Variants in NIF3L1 observed in about 807,000 individuals in gnomAD.
NIF3L1 encodes the protein NIF3-like protein 1.
Under a neutral mutation model 35.0 loss-of-function variants are expected in NIF3L1, and 26 were observed. The observed-to-expected ratio is 0.74, with a 90% confidence interval of 0.54 to 1.03. NIF3L1 has a LOEUF of 1.03. NIF3L1 is among the 50% of genes least tolerant of loss of function. The pLI is 0.00. For missense variants in NIF3L1, 449 were observed against 466.3 expected (o/e 0.96, Z 0.34); for synonymous variants, 157 against 178.9 (o/e 0.88, Z 0.98).
intron 3 of NIF3L1, among the ~76,000 whole-genome samples, chr2:200,894,434 T>C (rs2040261989): frequency 6.6e-6 from 1 of 152,016 alleles, no homozygotes. Flanking sequence ...AGAGTCTCAC[T>C]CTGTTGCCCA....
intron 4 of NIF3L1, among the ~76,000 whole-genome samples, chr2:200,896,422 T>C (rs1381975751): frequency 6.6e-6 from 1 of 152,148 alleles, no homozygotes; most frequent in Non-Finnish European, 1.5e-5. Flanking sequence ...ACATCACCCC[T>C]TTTTAAACTC....
chr2:200,903,577 G>C lies in NIF3L1; in HGVS notation c.1033G>C (p.Gly345Arg), dbSNP rs199508319. ...ILCEHSNTER[G>R]FLSDLRDMLD... ...CTGTGAACACAGCAACACTGAACGA[G>C]GCTTTCTTTCTGACCTTCGAGATAT... Residue 345 changes from glycine (G) to arginine (R), a missense_variant, in exon 7 of 7, where the codon GGC becomes CGC. Transcript: ENST00000409020. 6.8e-6 allele frequency: 11 copies of C among 1,614,000 alleles called. No individual in the cohort carries two copies. In the Admixed American group the frequency reaches 1.5e-4, roughly 22 times the overall value.
intron 5 of NIF3L1, 39 bp downstream of exon 5, chr2:200,897,253 T>A (rs1235895376): frequency 2.5e-6 from 4 of 1,596,904 alleles, no homozygotes; most frequent in Non-Finnish European, 3.4e-6. Context: ...ATGCCTACTG[T>A]TAACATTGGA....
At chr2:200,891,896 A>G in intron 1 of NIF3L1, 22 bp from the exon 2 acceptor site, 2 of 1,422,748 alleles carry the variant, frequency 1.4e-6, no homozygotes, top group Non-Finnish European at 9.6e-7. Flanking sequence ...CCTGTGTACC[A>G]TTTTCTTTGT....
rs1251831631 is a variant in NIF3L1, at chr2:200,903,911, A to T, written c.*233A>T. 3 of 525,610 alleles carry T rather than the reference A, an allele frequency of 5.7e-6. No individual in the cohort carries two copies. The East Asian group carries it at 1.0e-4, about 18-fold the overall frequency. The allele number at this position is 525,610 out of a possible 1,614,324, so 32.6% of individuals were successfully genotyped here. On this transcript the variant is annotated 3_prime_UTR_variant, in exon 7 of 7. Coordinates refer to ENST00000409020, the MANE Select transcript of NIF3L1 (RefSeq NM_001369441.2). ...ATAAACTCTAGGAAAGATTGAATAA[A>T]ATCTGTTTACTTAACATTCTTTGGA...
At chr2:200,893,080 A>C (rs2040233685) in intron 2 of NIF3L1, among the ~76,000 whole-genome samples, 166 bp from the exon 3 acceptor site, 1 of 152,244 alleles carries the variant, frequency 6.6e-6, no homozygotes, top group Admixed American at 6.5e-5. Context: ...GCCCTAGATT[A>C]TGGGGACTGG....
Position 200,901,840 on chromosome 2 carries a change from C to T in NIF3L1, c.950-1654C>T, listed in dbSNP as rs1024891229. ...TTCACTGATTTCCCCCCTTTCATGC[C>T]TTCTCCAGCCAATGAATTTGTCACA... is the stretch of plus-strand genomic sequence containing the variant. On this transcript the variant is annotated intron_variant, in intron 6 of 6. Transcript: ENST00000409020. Among the ~76,000 whole-genome samples the T allele has an allele frequency of 2.0e-5, 3 of 152,162 alleles. No homozygotes were observed. In the East Asian group the frequency reaches 5.8e-4, roughly 29 times the overall value.
In NIF3L1 at chr2:200,892,124, C is replaced by G; in HGVS notation, c.181C>G (p.Pro61Ala). The G allele has an allele frequency of 6.2e-7, 1 of 1,614,194 alleles. No individual in the cohort carries two copies. Among genetic ancestry groups the G allele is most frequent in the Non-Finnish European group, 8.5e-7 (1 of 1,180,032 alleles). The change falls in exon 2 of 7, where the codon CCA becomes GCA. Residue 61 changes from proline to alanine, a missense_variant. Transcript: ENST00000409020. ...TGGATTACTGGTGGAACCAAGCCCA[C>G]CACATACTGTAAATACACTCTTCCT... The part of the protein sequence containing the change: ...NVGLLVEPSP[P>A]HTVNTLFLTN...
In NIF3L1 at chr2:200,892,160, C is replaced by A; in HGVS notation, c.217C>A (p.Leu73Met). 1.2e-6 allele frequency: 2 copies of A among 1,614,178 alleles called. No individual in the cohort carries two copies. Among genetic ancestry groups the A allele is most frequent in the Non-Finnish European group, 1.7e-6 (2 of 1,180,032 alleles). Residue 73 changes from leucine to methionine, a missense_variant, in exon 2 of 7, where the codon CTG becomes ATG. Coordinates refer to ENST00000409020, the MANE Select transcript of NIF3L1 (RefSeq NM_001369441.2). ...AAATACACTCTTCCTGACCAATGAC[C>A]TGACTGAGGAAGTGATGGAGGAGGT... ...TVNTLFLTND[L>M]TEEVMEEVLQ...
At chr2:200,902,684 T>C (rs2124903770) in intron 6 of NIF3L1, among the ~76,000 whole-genome samples, 1 of 152,296 alleles carries the variant, frequency 6.6e-6, no homozygotes, top group Admixed American at 6.5e-5. Context: ...CAAAGAAAAA[T>C]ACTTTGTTTT....
At position 200,895,285 on chromosome 2, in the gene NIF3L1, A is replaced by C. The variant is rs767482705; in HGVS notation, c.621A>C (p.Thr207=). The change falls in exon 4 of 7, where the codon ACA becomes ACC. Residue 207 remains threonine, a synonymous_variant. Transcript: ENST00000409020. The part of the protein sequence containing the change: ...FSARTGNEEQ[T]RINLNCTQKA... ...CTAGGACTGGTAATGAGGAACAAACACGGATTAATCTGAATTGTACTCAGA... is the reference window on the plus strand; with the variant it reads ...CTAGGACTGGTAATGAGGAACAAACCCGGATTAATCTGAATTGTACTCAGA... 1 of 1,614,036 alleles carries C rather than the reference A, an allele frequency of 6.2e-7. No individual in the cohort carries two copies.
rs114431057 is a variant in NIF3L1, at chr2:200,891,831, G to A, written c.-26-87G>A. On this transcript the variant is annotated intron_variant, in intron 1 of 6. Transcript: ENST00000409020. ...CTATTTGAACCCAGATCTCTATGAC[G>A]ACAGCTCTTTTGCCCATATGTTTTG... 229 of 772,458 alleles carry A rather than the reference G, an allele frequency of 3.0e-4. 1 individual carries two copies. In the African/African-American group the frequency reaches 3.5e-3, roughly 12 times the overall value. The allele number at this position is 772,458 out of a possible 1,614,324, so 47.9% of individuals were successfully genotyped here.
chr2:200,903,627 G>A lies in NIF3L1; in HGVS notation c.1083G>A (p.Lys361=), dbSNP rs1336745254. The change falls in exon 7 of 7, where the codon AAG becomes AAA. Residue 361 remains lysine, a synonymous_variant. Transcript: ENST00000409020. Reference sequence around the variant, plus strand: ...TGCTGGATTCTCACTTGGAGAATAAGATAAATATTATCCTATCAGAGACTG... The same window carrying A: ...TGCTGGATTCTCACTTGGAGAATAAAATAAATATTATCCTATCAGAGACTG... The part of the protein sequence containing the change: ...RDMLDSHLEN[K]INIILSETDR... 15 of 1,613,580 alleles carry A rather than the reference G, an allele frequency of 9.3e-6. No individual in the cohort carries two copies. The South Asian group carries it at 1.6e-4, about 18-fold the overall frequency.
intron 6 of NIF3L1, among the ~76,000 whole-genome samples, chr2:200,901,407 A>T (rs2040408488): frequency 6.6e-6 from 1 of 152,216 alleles, no homozygotes. Flanking sequence ...TTTTTAAAAC[A>T]ATGATAAAGT....
chr2:200,903,403 G>C, intron 6 of NIF3L1, 91 bp from the exon 7 acceptor site: 1 of 980,708 alleles, frequency 1.0e-6, no homozygotes, highest in Non-Finnish European at 1.6e-6. Context: ...ACTTCATATA[G>C]ACTACAAACT....
In NIF3L1 at chr2:200,893,265, C is replaced by T. The variant is rs753773806; in HGVS notation, c.456C>T (p.Pro152=). 3 of 1,560,566 alleles carry T rather than the reference C, an allele frequency of 1.9e-6. No individual in the cohort carries two copies. Among genetic ancestry groups the T allele is most frequent in the Non-Finnish European group, 2.6e-6 (3 of 1,151,736 alleles). ...AKGLGACTSR[P]IHPSKAPNYP... ...CTCTAGGAGCTTGTACCTCCAGGCC[C>T]ATACATCCTTCCAAAGCTCCCAACT... is the stretch of plus-strand genomic sequence containing the variant. Residue 152 remains proline, a synonymous_variant, in exon 3 of 7, where the codon CCC becomes CCT. Coordinates refer to ENST00000409020, the MANE Select transcript of NIF3L1 (RefSeq NM_001369441.2).
chr2:200,892,964 T>C (rs2040230870), intron 2 of NIF3L1, among the ~76,000 whole-genome samples: 1 of 152,238 alleles, frequency 6.6e-6, no homozygotes, highest in African/African-American at 2.4e-5. Context: ...CTGTGTATTA[T>C]CTGAAAATGT....
chr2:200,901,698 C>T (rs1025074467), intron 6 of NIF3L1, among the ~76,000 whole-genome samples: 3 of 152,144 alleles, frequency 2.0e-5, no homozygotes, highest in Admixed American at 6.6e-5. Context: ...GGAGCCTGCT[C>T]CTTGTAAATT....
At chr2:200,892,982 A>C (rs1016184926) in intron 2 of NIF3L1, among the ~76,000 whole-genome samples, 1 of 152,196 alleles carries the variant, frequency 6.6e-6, no homozygotes, top group Non-Finnish European at 1.5e-5. Context: ...TGTATGAATC[A>C]GTCTTTCTTG....
Sources: gnomAD v4.1 joint callset for allele counts (sites outside exome capture counted in the v4.1 genomes callset) on GRCh38, gnomAD v4.1.1 for gene constraint, MANE v1.5 for transcripts, NCBI Gene and HGNC (gene_info 2026-07-23, HGNC 2026-07-21) for gene names.